The following RAD54L2 variants were observed in gnomAD, a reference collection of about 807,000 sequenced individuals.
The protein encoded by RAD54L2 is helicase ARIP4.
Under a neutral mutation model 138.4 loss-of-function variants are expected in RAD54L2, and 27 were observed. The ratio of observed to expected loss-of-function variants is 0.20; its 90% CI spans 0.14 to 0.27. RAD54L2 has a LOEUF of 0.27. RAD54L2 is among the 10% of genes least tolerant of loss of function. The pLI is 1.00. For synonymous variants in RAD54L2, 644 were observed against 723.2 expected (o/e 0.89, Z 1.76); for missense variants, 1,396 against 1,890.2 (o/e 0.74, Z 4.85).
At chr3:51,556,347 C>T (rs1333854811) in intron 2 of RAD54L2, among the ~76,000 whole-genome samples, 1 of 152,062 alleles carries the variant, frequency 6.6e-6, no homozygotes, top group African/African-American at 2.4e-5. Context: ...GCAATCTGCT[C>T]CCTATGGCCT....
At chr3:51,604,237 C>T (rs989375407) in intron 3 of RAD54L2, among the ~76,000 whole-genome samples, 3 of 152,016 alleles carry the variant, frequency 2.0e-5, no homozygotes, top group Non-Finnish European at 4.4e-5. Context: ...AGATGGGGAG[C>T]AGATAGGAGT....
At chr3:51,640,905 G>T (rs1475348474) in intron 14 of RAD54L2, among the ~76,000 whole-genome samples, 1 of 152,222 alleles carries the variant, frequency 6.6e-6, no homozygotes, top group Non-Finnish European at 1.5e-5. Context: ...TTTCAGTGTG[G>T]TGGTAGTCGT....
chr3:51,662,636 C>T lies in RAD54L2; in HGVS notation c.3620C>T (p.Ala1207Val), dbSNP rs1290803671. The change falls in exon 23 of 23, where the codon GCC becomes GTC. Residue 1207 changes from alanine (A) to valine (V), a missense_variant. Coordinates refer to ENST00000684192, the MANE Select transcript of RAD54L2 (RefSeq NM_015106.4). This position sits in a 1 kb window ranked among gnomAD's most constrained non-coding sequence, Gnocchi z 4.6. The part of the protein sequence containing the change: ...STNAALPGPP[A>V]QLMDSSAVPG... ...AATGCCGCCCTGCCTGGCCCCCCGG[C>T]CCAACTTATGGACAGCAGTGCTGTT... 1.2e-6 allele frequency: 2 copies of T among 1,612,416 alleles called. No homozygotes were observed. The highest frequency in any genetic ancestry group is 1.6e-4 in the Middle Eastern group (1 of 6,078).
At chr3:51,572,132 A>G (rs977894387) in intron 2 of RAD54L2, among the ~76,000 whole-genome samples, 4 of 152,178 alleles carry the variant, frequency 2.6e-5, no homozygotes, top group South Asian at 2.1e-4. Context: ...CCTTGTACAT[A>G]TGTAACCGTG....
chr3:51,590,395 A>C lies in RAD54L2; in HGVS notation c.-26A>C. On this transcript the variant is annotated 5_prime_UTR_variant, in exon 3 of 23. The change abolishes an upstream ATG in the 5' untranslated region. Transcript: ENST00000684192. The stretch of plus-strand genomic sequence containing the variant: ...CCCTGCAGTGGACCATGAGTCGGTA[A>C]TGCCCACTGAGGACCTCTGGGAGCC... 6.7e-7 allele frequency: 1 copy of C among 1,503,722 alleles called. No individual in the cohort carries two copies. The highest frequency in any genetic ancestry group is 8.9e-7 in the Non-Finnish European group (1 of 1,121,896). The allele number at this position is 1,503,722 out of a possible 1,614,324, so 93.1% of individuals were successfully genotyped here.
intron 2 of RAD54L2, among the ~76,000 whole-genome samples, chr3:51,584,028 G>GATT (rs1054743645): frequency 9.7e-4 from 147 of 152,192 alleles, no homozygotes; most frequent in African/African-American, 3.4e-3. Flanking sequence ...AGATCTTGAA[G>GATT]ATTAACTCAG....
chr3:51,555,374 A>C (rs1698937428), intron 2 of RAD54L2, among the ~76,000 whole-genome samples: 1 of 151,500 alleles, frequency 6.6e-6, no homozygotes, highest in Non-Finnish European at 1.5e-5. Flanking sequence ...GCACTCTGAA[A>C]GGCCAAAGTG....
intron 7 of RAD54L2, among the ~76,000 whole-genome samples, chr3:51,632,548 G>A (rs370226242): frequency 6.6e-6 from 1 of 150,528 alleles, no homozygotes; most frequent in Non-Finnish European, 1.5e-5. Flanking sequence ...GCACACCTTG[G>A]CCTCCCAAAG....
At chr3:51,640,114 T>C in intron 14 of RAD54L2, 115 bp downstream of exon 14, 1 of 686,796 alleles carries the variant, frequency 1.5e-6, no homozygotes, top group South Asian at 1.9e-5. Flanking sequence ...GTGAGGACCT[T>C]CTTGCATGTT....
At chr3:51,563,488 G>A in intron 2 of RAD54L2, among the ~76,000 whole-genome samples, 1 of 151,912 alleles carries the variant, frequency 6.6e-6, no homozygotes, top group South Asian at 2.1e-4. Context: ...CTTTTTCTCT[G>A]AAGCTTCATA....
chr3:51,582,835 G>A (rs1468629883), intron 2 of RAD54L2, among the ~76,000 whole-genome samples: 1 of 151,552 alleles, frequency 6.6e-6, no homozygotes, highest in Admixed American at 6.6e-5. Flanking sequence ...GCGCAATCTC[G>A]GCTCACTGCA....
At chr3:51,655,242 AG>A (rs1415587036) in intron 19 of RAD54L2, among the ~76,000 whole-genome samples, 1 of 152,104 alleles carries the variant, frequency 6.6e-6, no homozygotes, top group African/African-American at 2.4e-5. Context: ...CAAAGACGAA[AG>A]ATGCAGACTT....
Position 51,657,685 on chromosome 3 carries a change from A to G in RAD54L2, c.3316+16A>G, listed in dbSNP as rs1352279755. 1 of 1,520,782 alleles carries G rather than the reference A, an allele frequency of 6.6e-7. No individual in the cohort carries two copies. The highest frequency in any genetic ancestry group is 1.9e-5 in the Admixed American group (1 of 52,200). 94.2% of individuals were successfully genotyped at this position (1,520,782 alleles called of 1,614,324 possible). A position where few individuals can be genotyped will look rare whatever the true frequency, so the allele number is the denominator to read the frequency against. On this transcript the variant is annotated intron_variant, in intron 21 of 22. Transcript: ENST00000684192. The stretch of plus-strand genomic sequence containing the variant: ...GGGACAAAAGGTAAGAGCCTGACCA[A>G]GGACCTGTTCCCTGCCTTTGGTTGA...
At chr3:51,624,232 G>GTTT (rs747895714) in intron 3 of RAD54L2, among the ~76,000 whole-genome samples, 3 of 130,450 alleles carry the variant, frequency 2.3e-5, no homozygotes, top group East Asian at 2.2e-4. Context: ...GGTGTGTGTG[G>GTTT]TTTTTTTTTT....
chr3:51,604,343 A>T (rs1287285924), intron 3 of RAD54L2, among the ~76,000 whole-genome samples: 1 of 152,184 alleles, frequency 6.6e-6, no homozygotes, highest in Non-Finnish European at 1.5e-5. Context: ...CCTCTGCCCC[A>T]GTATGGTTAT....
At chr3:51,658,196 TGC>T (rs1336493488) in intron 21 of RAD54L2, among the ~76,000 whole-genome samples, 35 of 152,204 alleles carry the variant, frequency 2.3e-4, no homozygotes, top group African/African-American at 8.4e-4. Context: ...CCTCCCAACG[TGC>T]CGGGATTACA....
At chr3:51,543,692 A>C (rs1461153183) in intron 2 of RAD54L2, among the ~76,000 whole-genome samples, 1 of 151,312 alleles carries the variant, frequency 6.6e-6, no homozygotes, top group African/African-American at 2.4e-5. Flanking sequence ...TCAGCATCTC[A>C]TAAGGACCTT....
chr3:51,546,927 G>A (rs1449312156), intron 2 of RAD54L2, among the ~76,000 whole-genome samples: 2 of 152,112 alleles, frequency 1.3e-5, no homozygotes, highest in African/African-American at 2.4e-5. Context: ...TACTTGGAAG[G>A]CTGAGGCAGG....
intron 2 of RAD54L2, among the ~76,000 whole-genome samples, chr3:51,556,716 A>G (rs1698976297): frequency 6.6e-6 from 1 of 152,006 alleles, no homozygotes; most frequent in Non-Finnish European, 1.5e-5. Context: ...AGCTGGGATT[A>G]CAGCCATGCG....
Sources: allele counts gnomAD v4.1 joint callset (sites outside exome capture counted in the v4.1 genomes callset), GRCh38; gene constraint gnomAD v4.1.1; non-coding constraint Gnocchi (gnomAD v3.1); transcripts MANE v1.5; gene names NCBI Gene and HGNC (gene_info 2026-07-23, HGNC 2026-07-21).